Variants in UTS2B observed in about 807,000 individuals in gnomAD.
The protein encoded by UTS2B is urotensin 2B, also known as urotensin-2B.
UTS2B carries 21 observed loss-of-function variants against 19.2 expected under a neutral mutation model. That is an observed-to-expected ratio of 1.09 (90% CI 0.78 to 1.58). UTS2B has a LOEUF of 1.58. Ranked by LOEUF, UTS2B falls within the 40% of genes most tolerant of loss-of-function variation. UTS2B has a pLI of 0.00. For missense variants in UTS2B, 138 were observed against 130.3 expected, an observed-to-expected ratio of 1.06 and a Z score of -0.29; for synonymous variants, 57 against 50.2, an observed-to-expected ratio of 1.14 and a Z score of -0.58.
chr3:191,322,741 A>C (rs1033135153), intron 2 of UTS2B, among the ~76,000 whole-genome samples: 4 of 152,242 alleles, frequency 2.6e-5, no homozygotes, highest in Non-Finnish European at 5.9e-5. Context: ...TATCTTTGAG[A>C]AAATGAAGAA....
At chr3:191,293,990 C>A (rs1418460414) in intron 4 of UTS2B, among the ~76,000 whole-genome samples, 1 of 151,786 alleles carries the variant, frequency 6.6e-6, no homozygotes, top group Admixed American at 6.6e-5. Flanking sequence ...CGCCTGTAAT[C>A]CCAGCTACTC....
chr3:191,329,801 A>T, intron 1 of UTS2B: 1 of 1,489,472 alleles, frequency 6.7e-7, no homozygotes, highest in Non-Finnish European at 9.2e-7. Context: ...GGGCGTTGCC[A>T]TTTCGGCTCC....
At chr3:191,289,549 G>A (rs1414677307) in intron 4 of UTS2B, among the ~76,000 whole-genome samples, 1 of 152,030 alleles carries the variant, frequency 6.6e-6, no homozygotes, top group Non-Finnish European at 1.5e-5. Context: ...ATGATGGGAT[G>A]AAAACGTAAA....
intron 4 of UTS2B, among the ~76,000 whole-genome samples, chr3:191,285,239 C>T (rs890359733): frequency 2.0e-5 from 3 of 150,974 alleles, no homozygotes; most frequent in African/African-American, 4.9e-5. Context: ...AGTTATTTTA[C>T]GTGATCAATG....
At chr3:191,268,547 A>G in intron 8 of UTS2B, 106 bp from the exon 9 acceptor site, 1 of 726,644 alleles carries the variant, frequency 1.4e-6, no homozygotes, top group Non-Finnish European at 2.3e-6. Flanking sequence ...AAGTTTTTAA[A>G]AGGGACAGTC....
rs534277155 is a variant in UTS2B, at chr3:191,287,533, A to T, written c.-124-5220T>A. Among the ~76,000 whole-genome samples the T allele has an allele frequency of 8.5e-5, 13 of 152,214 alleles. No homozygotes were observed. In the South Asian group the frequency reaches 2.5e-3, roughly 29 times the overall value. On this transcript the variant is annotated intron_variant, in intron 4 of 8. Coordinates refer to ENST00000340524, the MANE Select transcript of UTS2B (RefSeq NM_198152.5). ...TAATTTCAACAGATGCAGAAAAAAC[A>T]TGATAAAATGTATATGATAAAAACT...
At chr3:191,274,378 T>C (rs1477557189) in intron 8 of UTS2B, among the ~76,000 whole-genome samples, 1 of 152,216 alleles carries the variant, frequency 6.6e-6, no homozygotes, top group Admixed American at 6.5e-5. Context: ...TATTTTAAAT[T>C]AAATTAACTC....
At chr3:191,331,200 T>G (rs1302832982), upstream of UTS2B, among the ~76,000 whole-genome samples, 1 of 152,160 alleles carries the variant, frequency 6.6e-6, no homozygotes, top group Non-Finnish European at 1.5e-5. Context: ...GTGTAGTGCA[T>G]GGTGAGTAGA....
At chr3:191,285,208 G>A (rs1012417362) in intron 4 of UTS2B, among the ~76,000 whole-genome samples, 1 of 141,508 alleles carries the variant, frequency 7.1e-6, no homozygotes, top group African/African-American at 2.5e-5. Context: ...TAAAATATGA[G>A]GAGGTTAAGT....
At chr3:191,273,391 T>G (rs1716143382) in intron 8 of UTS2B, 1 of 440,944 alleles carries the variant, frequency 2.3e-6, no homozygotes, top group Non-Finnish European at 4.6e-6. Flanking sequence ...CCAACCTGCC[T>G]TGCCATATGT....
chr3:191,340,711 G>T, the UTS2B span, among the ~76,000 whole-genome samples: 8 of 152,166 alleles, frequency 5.3e-5, no homozygotes, highest in Non-Finnish European at 1.2e-4. Flanking sequence ...CTTAACTCAG[G>T]CCTACAATGT....
intron 4 of UTS2B, among the ~76,000 whole-genome samples, chr3:191,289,447 T>TAAATAAATAAATAAAA (rs1206575948): frequency 0.013 from 1,820 of 144,370 alleles, 41 homozygotes; most frequent in East Asian, 0.054. Flanking sequence ...AATAAATAAA[T>TAAATAAATAAATAAAA]AAAAAACAAA....
At chr3:191,331,508 A>G (rs199932604), upstream of UTS2B, among the ~76,000 whole-genome samples, 19 of 152,310 alleles carry the variant, frequency 1.2e-4, no homozygotes, top group East Asian at 2.3e-3. Context: ...GTGTTTGGCA[A>G]TCTCTTTTAT....
At chr3:191,282,044 A>G (rs1264776581) in intron 5 of UTS2B, 43 bp downstream of exon 5, 1 of 1,360,468 alleles carries the variant, frequency 7.4e-7, no homozygotes, top group Non-Finnish European at 1.0e-6. Flanking sequence ...AAATAGAAGA[A>G]TTACTTACCC....
chr3:191,302,106 A>G (rs1319248527), intron 4 of UTS2B, among the ~76,000 whole-genome samples: 1 of 152,240 alleles, frequency 6.6e-6, no homozygotes, highest in East Asian at 1.9e-4. Context: ...AATAGGATGC[A>G]ATCGAAAAGC....
intron 5 of UTS2B, among the ~76,000 whole-genome samples, 191 bp downstream of exon 5, chr3:191,281,896 C>A (rs1373534963): frequency 3.3e-5 from 5 of 151,920 alleles, no homozygotes; most frequent in East Asian, 1.9e-4. Flanking sequence ...TAAAATTAAT[C>A]TACTTGAAAA....
chr3:191,286,445 C>T (rs1169491868), intron 4 of UTS2B, among the ~76,000 whole-genome samples: 1 of 151,862 alleles, frequency 6.6e-6, no homozygotes, highest in African/African-American at 2.4e-5. Flanking sequence ...TGGTATGACA[C>T]TAGAAATCAA....
At chr3:191,334,582 C>G (rs1449690012), upstream of UTS2B, among the ~76,000 whole-genome samples, 1 of 152,056 alleles carries the variant, frequency 6.6e-6, no homozygotes, top group Admixed American at 6.5e-5. Flanking sequence ...GGCTAAGTAG[C>G]TAGGAATTGG....
chr3:191,335,122 T>G (rs1204970642), upstream of UTS2B, among the ~76,000 whole-genome samples: 1 of 152,166 alleles, frequency 6.6e-6, no homozygotes, highest in Non-Finnish European at 1.5e-5. Context: ...TAACAGTTTT[T>G]GTTGAGATAA....
Sources: gnomAD v4.1 joint callset for allele counts (sites outside exome capture counted in the v4.1 genomes callset) on GRCh38, gnomAD v4.1.1 for gene constraint, MANE v1.5 for transcripts, NCBI Gene and HGNC (gene_info 2026-07-23, HGNC 2026-07-21) for gene names.